The following RANBP17 variants were observed in gnomAD, a reference collection of about 807,000 sequenced individuals.
The protein encoded by RANBP17 is RAN binding protein 17.
A neutral mutation model predicts 141.2 loss-of-function variants in RANBP17; 158 were observed. That is an observed-to-expected ratio of 1.12 (90% CI 0.98 to 1.28). The LOEUF is 1.28. Ranked by LOEUF, RANBP17 falls within the 50% of genes most tolerant of loss-of-function variation. RANBP17 has a pLI of 0.00. For synonymous variants in RANBP17, 430 were observed against 450.0 expected (o/e 0.96, Z 0.56); for missense variants, 1,438 against 1,290.7 (o/e 1.11, Z -1.75).
intron 14 of RANBP17, among the ~76,000 whole-genome samples, chr5:170,988,953 G>T (rs1349671996): frequency 6.6e-6 from 1 of 151,814 alleles, no homozygotes; most frequent in Non-Finnish European, 1.5e-5. Context: ...CCTTACCGGA[G>T]TCTTGGGTAG....
At position 171,146,051 on chromosome 5, in the gene RANBP17, A is replaced by C. The variant is rs371736128; in HGVS notation, c.1711-24079A>C. Among the ~76,000 whole-genome samples the C allele has an allele frequency of 3.2e-4, 48 of 152,320 alleles. No homozygotes were observed. The East Asian group carries it at 9.3e-3, about 29-fold the overall frequency. ...AACAATCCCATAAAATTCTACTTCT[A>C]ACATTGGTAAGGAAACACAGCCAAG... On this transcript the variant is annotated intron_variant, in intron 14 of 27. Transcript: ENST00000523189.
chr5:171,033,403 TA>T (rs2127621115), intron 14 of RANBP17, among the ~76,000 whole-genome samples: 1 of 152,176 alleles, frequency 6.6e-6, no homozygotes, highest in East Asian at 1.9e-4. Context: ...ATAGAAAAAA[TA>T]TACTGCGTCC....
At chr5:171,241,816 A>G (rs947276942) in intron 23 of RANBP17, among the ~76,000 whole-genome samples, 2 of 152,118 alleles carry the variant, frequency 1.3e-5, no homozygotes, top group Non-Finnish European at 2.9e-5. Context: ...GAAGGTGCAT[A>G]AGACTCTCTT....
chr5:170,936,275 G>A (rs1773872370), intron 12 of RANBP17, among the ~76,000 whole-genome samples: 1 of 151,910 alleles, frequency 6.6e-6, no homozygotes, highest in Admixed American at 6.6e-5. Context: ...TGCTAGGTGG[G>A]CTGCACCGAC....
intron 11 of RANBP17, 127 bp downstream of exon 11, chr5:170,919,740 A>G (rs1772274183): frequency 1.6e-6 from 1 of 621,476 alleles, no homozygotes; most frequent in Non-Finnish European, 2.7e-6. Flanking sequence ...AGTGCACACA[A>G]TTGTATAACT....
intron 14 of RANBP17, among the ~76,000 whole-genome samples, chr5:170,976,167 A>G (rs1440492979): frequency 6.6e-6 from 1 of 152,186 alleles, no homozygotes; most frequent in Non-Finnish European, 1.5e-5. Context: ...TATAAGATTA[A>G]TACAAAAACT....
chr5:171,132,528 G>T (rs1212262471), intron 14 of RANBP17, among the ~76,000 whole-genome samples: 1 of 152,040 alleles, frequency 6.6e-6, no homozygotes, highest in Non-Finnish European at 1.5e-5. Flanking sequence ...TTCAAGACCA[G>T]TCTAGGGACA....
chr5:171,180,007 A>T (rs1269628106), intron 16 of RANBP17, among the ~76,000 whole-genome samples: 2 of 152,138 alleles, frequency 1.3e-5, no homozygotes, highest in Non-Finnish European at 2.9e-5. Context: ...TTCATGTGTC[A>T]TCCTAGCTAT....
chr5:170,911,393 A>G, intron 7 of RANBP17: 1 of 574,410 alleles, frequency 1.7e-6, no homozygotes, highest in South Asian at 2.1e-5. Flanking sequence ...TTTGGGAGGA[A>G]AGTCAAGAGC....
At chr5:170,930,123 A>G (rs1773231659) in intron 12 of RANBP17, among the ~76,000 whole-genome samples, 1 of 151,156 alleles carries the variant, frequency 6.6e-6, no homozygotes, top group Non-Finnish European at 1.5e-5. Context: ...AGTTTCATTG[A>G]TCTTTATTCT....
At position 171,102,788 on chromosome 5, in the gene RANBP17, T is replaced by C. The variant is rs139292931; in HGVS notation, c.1711-67342T>C. Among the ~76,000 whole-genome samples the C allele has an allele frequency of 1.8e-3, 279 of 152,192 alleles. 3 individuals carry two copies. Among genetic ancestry groups the C allele is most frequent in the Non-Finnish European group, 3.3e-3 (225 of 67,978 alleles). ...CCTTCGGATGGAGTTTTTGCTTCGT[T>C]GTCCTTTTTTTTTTATGTTGATGCT... is the stretch of plus-strand genomic sequence containing the variant. On this transcript the variant is annotated intron_variant, in intron 14 of 27. Coordinates refer to ENST00000523189, the MANE Select transcript of RANBP17 (RefSeq NM_022897.5).
At chr5:170,941,233 G>T (rs768086603) in intron 12 of RANBP17, among the ~76,000 whole-genome samples, 2 of 151,884 alleles carry the variant, frequency 1.3e-5, no homozygotes, top group Non-Finnish European at 2.9e-5. Context: ...CCCTGAGAAT[G>T]GAGAAAGAAG....
At chr5:171,256,899 A>T (rs776282230) in intron 24 of RANBP17, among the ~76,000 whole-genome samples, 2 of 152,142 alleles carry the variant, frequency 1.3e-5, no homozygotes, top group African/African-American at 4.8e-5. Flanking sequence ...AACTAGTGAG[A>T]TCAAATCAGT....
intron 24 of RANBP17, among the ~76,000 whole-genome samples, chr5:171,254,519 CA>C (rs1765767800): frequency 1.3e-5 from 2 of 152,186 alleles, no homozygotes; most frequent in East Asian, 3.9e-4. Flanking sequence ...ACTAGGAATA[CA>C]AAAAATAAGT....
At chr5:170,991,287 T>G (rs1186658733) in intron 14 of RANBP17, among the ~76,000 whole-genome samples, 1 of 152,006 alleles carries the variant, frequency 6.6e-6, no homozygotes, top group Non-Finnish European at 1.5e-5. Context: ...CAAATGCCTC[T>G]CATTTAAGTT....
intron 14 of RANBP17, among the ~76,000 whole-genome samples, chr5:171,104,912 TTTTTCC>T (rs1754676635): frequency 6.6e-6 from 1 of 152,182 alleles, no homozygotes; most frequent in African/African-American, 2.4e-5. Context: ...AGTGATTTAA[TTTTTCC>T]ATTGGTCCCC....
intron 13 of RANBP17, among the ~76,000 whole-genome samples, chr5:170,963,167 G>A (rs923346001): frequency 1.3e-5 from 2 of 152,194 alleles, no homozygotes; most frequent in Non-Finnish European, 2.9e-5. Context: ...TTCAGTAAGT[G>A]TTCTGAATGC....
intron 14 of RANBP17, among the ~76,000 whole-genome samples, chr5:170,976,649 T>C (rs1217396098): frequency 6.6e-6 from 1 of 152,110 alleles, no homozygotes; most frequent in East Asian, 1.9e-4. Flanking sequence ...AGTAAGACAG[T>C]GTGGTAAGCA....
At chr5:171,267,134 G>A (rs536162559) in intron 25 of RANBP17, among the ~76,000 whole-genome samples, 3 of 146,208 alleles carry the variant, frequency 2.1e-5, no homozygotes, top group South Asian at 2.2e-4. Context: ...GGTCTCAAGC[G>A]ATCCTCACAC....
Sources: allele counts gnomAD v4.1 joint callset (sites outside exome capture counted in the v4.1 genomes callset), GRCh38; gene constraint gnomAD v4.1.1; transcripts MANE v1.5; gene names NCBI Gene and HGNC (gene_info 2026-07-23, HGNC 2026-07-21).